The following LHFPL2 variants were observed in gnomAD, a reference collection of about 807,000 sequenced individuals.
LHFPL2 encodes the protein LHFPL tetraspan subfamily member 2 protein.
A neutral mutation model predicts 17.5 loss-of-function variants in LHFPL2; 7 were observed. The observed-to-expected ratio is 0.40, with a 90% CI of 0.23 to 0.75. The LOEUF is 0.75. Among genes scored for constraint, LHFPL2 ranks in the 30% least tolerant of loss-of-function variants. The pLI, the probability that LHFPL2 is intolerant of heterozygous loss-of-function variation, is 0.37. For synonymous variants in LHFPL2, 134 were observed against 116.2 expected (o/e 1.15, Z -0.99); for missense variants, 241 against 294.8 (o/e 0.82, Z 1.34).
chr5:78,585,404 G>C (rs966741559), intron 2 of LHFPL2, among the ~76,000 whole-genome samples: 10 of 152,000 alleles, frequency 6.6e-5, no homozygotes, highest in African/African-American at 2.4e-4. Flanking sequence ...CTTTGACTAG[G>C]AAAGGGAACT....
chr5:78,514,953 T>C (rs982821126), intron 3 of LHFPL2, among the ~76,000 whole-genome samples: 1 of 152,340 alleles, frequency 6.6e-6, no homozygotes, highest in Admixed American at 6.5e-5. Flanking sequence ...CATCAATTTA[T>C]AGCATACACA....
chr5:78,530,210 G>C (rs917653333), intron 3 of LHFPL2, among the ~76,000 whole-genome samples: 23 of 152,058 alleles, frequency 1.5e-4, no homozygotes, highest in African/African-American at 5.6e-4. Flanking sequence ...TAAAAAATGA[G>C]TTTCTCTGAA....
intron 2 of LHFPL2, among the ~76,000 whole-genome samples, chr5:78,587,800 C>T (rs1305354885): frequency 6.6e-6 from 1 of 152,256 alleles, no homozygotes; most frequent in Non-Finnish European, 1.5e-5. Context: ...GAAGGTGGCC[C>T]AAGCCCTCTT....
At chr5:78,528,420 G>A (rs1332160242) in intron 3 of LHFPL2, among the ~76,000 whole-genome samples, 1 of 152,176 alleles carries the variant, frequency 6.6e-6, no homozygotes, top group Non-Finnish European at 1.5e-5. Flanking sequence ...GTGTGCAAAG[G>A]ATCTAGGTTG....
At chr5:78,627,814 C>T in intron 2 of LHFPL2, among the ~76,000 whole-genome samples, 1 of 152,308 alleles carries the variant, frequency 6.6e-6, no homozygotes, top group East Asian at 1.9e-4. Flanking sequence ...GAATAATGCT[C>T]AACTCAAAGG....
At chr5:78,525,886 T>C (rs935631020) in intron 3 of LHFPL2, among the ~76,000 whole-genome samples, 2 of 152,186 alleles carry the variant, frequency 1.3e-5, no homozygotes, top group Non-Finnish European at 2.9e-5. Flanking sequence ...AAAAGTAATA[T>C]GGCTCAACAC....
intron 2 of LHFPL2, among the ~76,000 whole-genome samples, chr5:78,572,182 T>A (rs931281498): frequency 6.6e-6 from 1 of 151,972 alleles, no homozygotes; most frequent in Non-Finnish European, 1.5e-5. Context: ...TGCAAACATA[T>A]AGGAGGTGAC....
At chr5:78,587,796 GGC>G (rs1554057775) in intron 2 of LHFPL2, among the ~76,000 whole-genome samples, 1 of 152,208 alleles carries the variant, frequency 6.6e-6, no homozygotes, top group Non-Finnish European at 1.5e-5. Context: ...GTCTGAAGGT[GGC>G]CCAAGCCCTC....
intron 2 of LHFPL2, among the ~76,000 whole-genome samples, chr5:78,621,808 C>T (rs906557022): frequency 2.0e-5 from 3 of 152,094 alleles, no homozygotes; most frequent in African/African-American, 7.2e-5. Context: ...GTGTGTGATA[C>T]ATTGCTATTC....
intron 2 of LHFPL2, among the ~76,000 whole-genome samples, chr5:78,594,244 G>A (rs1027730518): frequency 6.6e-6 from 1 of 152,174 alleles, no homozygotes; most frequent in African/African-American, 2.4e-5. Flanking sequence ...GCCCTATGTA[G>A]CATGTTAACT....
At chr5:78,618,258 C>A (rs1744690079) in intron 2 of LHFPL2, among the ~76,000 whole-genome samples, 1 of 151,978 alleles carries the variant, frequency 6.6e-6, no homozygotes, top group Non-Finnish European at 1.5e-5. Flanking sequence ...CAAGAAGCTT[C>A]CGTAGTAAGT....
intron 1 of LHFPL2, among the ~76,000 whole-genome samples, chr5:78,643,492 G>GA (rs1251346377): frequency 6.6e-6 from 1 of 151,740 alleles, no homozygotes. Flanking sequence ...TCAAATGCAG[G>GA]AAAAATTGCT....
At chr5:78,616,714 C>A (rs1169315605) in intron 2 of LHFPL2, among the ~76,000 whole-genome samples, 1 of 152,140 alleles carries the variant, frequency 6.6e-6, no homozygotes, top group Non-Finnish European at 1.5e-5. Flanking sequence ...GCTCTCCTTG[C>A]AACACCTCAG....
At position 78,487,852 on chromosome 5, in the gene LHFPL2, A is replaced by AACTT. The variant is rs1171540528; in HGVS notation, c.*1041_*1044dup. The stretch of plus-strand genomic sequence containing the variant: ...CAGGATCAACACCAGTAACTACAAA[A>AACTT]ACTTAACTCCCATAACTAGCTTCTT... On this transcript the variant is annotated 3_prime_UTR_variant, in exon 5 of 5. Transcript: ENST00000380345. The AACTT allele has an allele frequency of 6.6e-6, 1 of 152,184 alleles. No individual in the cohort carries two copies. Among genetic ancestry groups the AACTT allele is most frequent in the Non-Finnish European group, 1.5e-5 (1 of 68,040 alleles). 9.4% of individuals were successfully genotyped at this position (152,184 alleles called of 1,614,324 possible).
chr5:78,603,083 G>A (rs377723783), intron 2 of LHFPL2, among the ~76,000 whole-genome samples: 25 of 152,084 alleles, frequency 1.6e-4, no homozygotes, highest in Middle Eastern at 3.4e-3. Flanking sequence ...TAGCTGAAAC[G>A]GGGTTTCACC....
chr5:78,629,706 G>A (rs1745175610), intron 2 of LHFPL2, among the ~76,000 whole-genome samples: 1 of 152,224 alleles, frequency 6.6e-6, no homozygotes, highest in South Asian at 2.1e-4. Context: ...GTATGCTAAT[G>A]TCACTGGAGT....
intron 2 of LHFPL2, among the ~76,000 whole-genome samples, chr5:78,612,964 A>C (rs1034699946): frequency 1.3e-5 from 2 of 152,228 alleles, no homozygotes; most frequent in African/African-American, 4.8e-5. Context: ...CAGCTCTTCC[A>C]CGTGCATAGC....
intron 2 of LHFPL2, among the ~76,000 whole-genome samples, chr5:78,580,836 T>G (rs1048328732): frequency 1.3e-5 from 2 of 152,060 alleles, no homozygotes; most frequent in African/African-American, 4.8e-5. Context: ...GCGGGCTCTT[T>G]TTTGGTTCCA....
chr5:78,572,246 A>AC (rs144375274), intron 2 of LHFPL2, among the ~76,000 whole-genome samples: 2,049 of 152,036 alleles, frequency 0.013, 45 homozygotes, highest in African/African-American at 0.045. Flanking sequence ...GAGTGAGATT[A>AC]CCCCCAGAAA....
Sources: allele counts gnomAD v4.1 joint callset (sites outside exome capture counted in the v4.1 genomes callset), GRCh38; gene constraint gnomAD v4.1.1; transcripts MANE v1.5; gene names NCBI Gene and HGNC (gene_info 2026-07-23, HGNC 2026-07-21).